The following FLRT3 variants were observed in gnomAD, a reference collection of about 807,000 sequenced individuals.
FLRT3 encodes fibronectin leucine rich transmembrane protein 3.
A neutral mutation model predicts 42.6 loss-of-function variants in FLRT3; 17 were observed. The ratio of observed to expected loss-of-function variants is 0.40; its 90% CI spans 0.27 to 0.60. The LOEUF (loss-of-function observed/expected upper bound fraction) is 0.60. FLRT3 is among the 20% of genes least tolerant of loss of function. The pLI is 0.44. For synonymous variants in FLRT3, 279 were observed against 286.4 expected, an observed-to-expected ratio of 0.97 and a Z score of 0.26; for missense variants, 635 against 789.2, an observed-to-expected ratio of 0.80 and a Z score of 2.34.
Position 14,326,292 on chromosome 20 carries a change from A to G in FLRT3, c.1215T>C (p.Ser405=). Residue 405 remains serine, a synonymous_variant, in exon 3 of 3, where the codon AGT becomes AGC. Transcript: ENST00000341420. The surrounding 1 kb of genome is among the most constrained non-coding windows in gnomAD (Gnocchi z 5.5). ...KLTKDHQTTG[S]PSRKTITITV... Reference sequence around the variant, plus strand: ...TAATTGTAATTGTTTTTCTTGAGGGACTCCCTGTGGTTTGGTGATCCTTAG... The same window carrying G: ...TAATTGTAATTGTTTTTCTTGAGGGGCTCCCTGTGGTTTGGTGATCCTTAG... 6.2e-7 allele frequency: 1 copy of G among 1,613,576 alleles called. No homozygotes were observed. Among genetic ancestry groups the G allele is most frequent in the Non-Finnish European group, 8.5e-7 (1 of 1,179,818 alleles).
In FLRT3 at chr20:14,326,398, A is replaced by G; in HGVS notation, c.1109T>C (p.Ile370Thr). ...IVSTIQITTA[I>T]PNTVYPAQGQ... Reference sequence around the variant, plus strand: ...TTGGGCAGGATACACTGTGTTGGGTATTGCAGTGGTTATCTGAATGGTGCT... The same window carrying G: ...TTGGGCAGGATACACTGTGTTGGGTGTTGCAGTGGTTATCTGAATGGTGCT... Residue 370 changes from isoleucine to threonine, a missense_variant, in exon 3 of 3, where the codon ATA (isoleucine) becomes ACA (threonine). Coordinates refer to ENST00000341420, the MANE Select transcript of FLRT3 (RefSeq NM_198391.3). The surrounding 1 kb of genome is among the most constrained non-coding windows in gnomAD (Gnocchi z 5.5). The G allele has an allele frequency of 1.2e-6, 2 of 1,613,848 alleles. No homozygotes were observed. Among genetic ancestry groups the G allele is most frequent in the South Asian group, 2.2e-5 (2 of 91,082 alleles).
intron 2 of FLRT3, among the ~76,000 whole-genome samples, chr20:14,328,511 C>G (rs1488861106): frequency 1.3e-5 from 2 of 152,104 alleles, no homozygotes; most frequent in Admixed American, 1.3e-4. Context: ...ATAGTCTCTT[C>G]TGTCCTTTTA....
At position 14,326,359 on chromosome 20, in the gene FLRT3, G is replaced by A. The variant is rs76061726; in HGVS notation, c.1148C>T (p.Ala383Val). Residue 383 changes from alanine (A) to valine (V), a missense_variant, in exon 3 of 3, where the codon GCT becomes GTT. Ala to Val is a moderately conservative substitution (Grantham distance 64). Coordinates refer to ENST00000341420, the MANE Select transcript of FLRT3 (RefSeq NM_198391.3). This position sits in a 1 kb window ranked among gnomAD's most constrained non-coding sequence, Gnocchi z 5.5. ...AATATCTGGCTGTTTGGTCACTGGA[G>A]CTGGCCACTGTCCTTGGGCAGGATA... The part of the protein sequence containing the change: ...TVYPAQGQWP[A>V]PVTKQPDIKN... 1 of 1,613,938 alleles carries A rather than the reference G, an allele frequency of 6.2e-7. No homozygotes were observed. Among genetic ancestry groups the A allele is most frequent in the Non-Finnish European group, 8.5e-7 (1 of 1,179,888 alleles).
Position 14,325,324 on chromosome 20 carries a change from T to TA in FLRT3, c.*232dup, listed in dbSNP as rs2082716164. On this transcript the variant is annotated 3_prime_UTR_variant, in exon 3 of 3. Coordinates refer to ENST00000341420, the MANE Select transcript of FLRT3 (RefSeq NM_198391.3). ...AAATACAGTACAAATTACTAAAAAA[T>TA]ACTAAAATATAGAATTGTGTTCAGG... is the stretch of plus-strand genomic sequence containing the variant. The TA allele has an allele frequency of 2.6e-6, 1 of 383,852 alleles. No homozygotes were observed. The highest frequency in any genetic ancestry group is 4.6e-6 in the Non-Finnish European group (1 of 218,352). The allele number at this position is 383,852 out of a possible 1,614,324, so 23.8% of individuals were successfully genotyped here. A position where few individuals can be genotyped will look rare whatever the true frequency, so the allele number is the denominator to read the frequency against.
At position 14,330,953 on chromosome 20, in the gene FLRT3, A is replaced by G. The variant is rs6033945; in HGVS notation, c.-246-1626T>C. On this transcript the variant is annotated intron_variant, in intron 1 of 2. Transcript: ENST00000341420. ...ATTCAACATATAAAATAATGTGGTT[A>G]ATTTAAGTTTAGAAAACAATTGCTT... Among the ~76,000 whole-genome samples, 1,442 of 152,246 alleles carry G rather than the reference A, an allele frequency of 9.5e-3. 21 individuals carry two copies. The highest frequency in any genetic ancestry group is 0.033 in the African/African-American group (1,370 of 41,566).
At chr20:14,334,077 G>A (rs573079395) in intron 1 of FLRT3, among the ~76,000 whole-genome samples, 72 of 152,264 alleles carry the variant, frequency 4.7e-4, no homozygotes, top group Admixed American at 2.3e-3. Context: ...TGATTTTAGG[G>A]TAGGAAAGAG....
chr20:14,325,956 T>G lies in FLRT3; in HGVS notation c.1551A>C (p.Gln517His), dbSNP rs1417572444. 6.2e-7 allele frequency: 1 copy of G among 1,613,806 alleles called. No individual in the cohort carries two copies. Among genetic ancestry groups the G allele is most frequent in the African/African-American group, 1.3e-5 (1 of 74,908 alleles). The change falls in exon 3 of 3, where the codon CAA becomes CAC. Residue 517 changes from glutamine (Q) to histidine (H), a missense_variant. Transcript: ENST00000341420. The stretch of plus-strand genomic sequence containing the variant: ...TGGGGTTTTTGTAAGGTTCTTTCTC[T>G]TGCTCTCGATTGAGGGTGGTTGTAG... Reference protein sequence around the residue: ...YNPTTTLNREQEKEPYKNPNL... With the variant: ...YNPTTTLNREHEKEPYKNPNL...
intron 1 of FLRT3, among the ~76,000 whole-genome samples, chr20:14,336,750 A>T (rs143316295): frequency 6.6e-6 from 1 of 152,188 alleles, no homozygotes; most frequent in Non-Finnish European, 1.5e-5. Flanking sequence ...TTGGTGTTCT[A>T]TTGAAGAGGG....
Position 14,325,670 on chromosome 20 carries a change from T to C in FLRT3, c.1837A>G (p.Thr613Ala). ...PISKEEFVIHTIFPPNGMNLY... is the reference protein window; with the variant it reads ...PISKEEFVIHAIFPPNGMNLY... The stretch of plus-strand genomic sequence containing the variant: ...TTCATTCCATTAGGAGGAAATATGG[T>C]GTGTATTACAAACTCCTCCTTCGAG... The change falls in exon 3 of 3, where the codon ACC (threonine) becomes GCC (alanine). Residue 613 changes from threonine to alanine, a missense_variant. Transcript: ENST00000341420. The C allele has an allele frequency of 6.2e-7, 1 of 1,613,814 alleles. No individual in the cohort carries two copies. Among genetic ancestry groups the C allele is most frequent in the Non-Finnish European group, 8.5e-7 (1 of 1,179,784 alleles).
chr20:14,326,033 C>T lies in FLRT3; in HGVS notation c.1474G>A (p.Glu492Lys). The change falls in exon 3 of 3, where the codon GAA (glutamate) becomes AAA (lysine). Residue 492 changes from glutamate (E) to lysine (K), a missense_variant. Transcript: ENST00000341420. This position sits in a 1 kb window ranked among gnomAD's most constrained non-coding sequence, Gnocchi z 5.5. Reference protein sequence around the residue: ...METSNLYLFDETPVCIETETA... With the variant: ...METSNLYLFDKTPVCIETETA... ...TCAGTCTCAATACAAACAGGAGTTT[C>T]ATCAAATAGGTAGAGGTTGCTGGTT... 2 of 1,613,916 alleles carry T rather than the reference C, an allele frequency of 1.2e-6. No individual in the cohort carries two copies.
intron 1 of FLRT3, 85 bp from the exon 2 acceptor site, chr20:14,329,412 C>T (rs558170179): frequency 1.4e-4 from 22 of 152,158 alleles, no homozygotes; most frequent in Admixed American, 8.5e-4. Context: ...ATTTCAATGT[C>T]TTAAAATAAC....
In FLRT3 at chr20:14,328,197, A is replaced by G. The variant is rs145369267; in HGVS notation, c.-52-639T>C. 5.0e-4 allele frequency among the ~76,000 whole-genome samples: 76 copies of G among 152,246 alleles called. No individual in the cohort carries two copies. The East Asian group carries it at 0.013, about 27-fold the overall frequency. On this transcript the variant is annotated intron_variant, in intron 2 of 2. Transcript: ENST00000341420. ...TTTAAGCATTATTTTAAATGGATGG[A>G]TTTCTGCAAGAAAATAAGAATGATT...
Position 14,326,103 on chromosome 20 carries a change from G to A in FLRT3, c.1404C>T (p.Ala468=). 6.2e-7 allele frequency: 1 copy of A among 1,613,836 alleles called. No individual in the cohort carries two copies. The highest frequency in any genetic ancestry group is 8.5e-7 in the Non-Finnish European group (1 of 1,179,852). The change falls in exon 3 of 3, where the codon GCC becomes GCT. Residue 468 remains alanine, a synonymous_variant. Transcript: ENST00000341420. The surrounding 1 kb of genome is among the most constrained non-coding windows in gnomAD (Gnocchi z 5.5). ...CTTTATAGGGTGAATCAGGCTCCAGGGCTGTGACCAAGTACTCACTGCGTT... is the reference window on the plus strand; with the variant it reads ...CTTTATAGGGTGAATCAGGCTCCAGAGCTGTGACCAAGTACTCACTGCGTT... ...TGERSEYLVT[A]LEPDSPYKVC...
chr20:14,327,123 G>A lies in FLRT3; in HGVS notation c.384C>T (p.Pro128=). The A allele has an allele frequency of 6.2e-7, 1 of 1,613,754 alleles. No homozygotes were observed. The highest frequency in any genetic ancestry group is 8.5e-7 in the Non-Finnish European group (1 of 1,179,782). The change falls in exon 3 of 3, where the codon CCC becomes CCT. Residue 128 remains proline, a synonymous_variant. Coordinates refer to ENST00000341420, the MANE Select transcript of FLRT3 (RefSeq NM_198391.3). ...CATCTAAATGTAATTCTTCCAGATA[G>A]GGAATTTTTGAAAGTGAATCATAAG... ...TITYDSLSKI[P]YLEELHLDDN...
intron 1 of FLRT3, among the ~76,000 whole-genome samples, chr20:14,337,063 T>G (rs1173444443): frequency 6.6e-6 from 1 of 152,232 alleles, no homozygotes; most frequent in Non-Finnish European, 1.5e-5. Context: ...CAAGTTGCTT[T>G]CCTATCTGTG....
Position 14,327,284 on chromosome 20 carries a change from T to C in FLRT3, c.223A>G (p.Ile75Val), listed in dbSNP as rs1206184404. The C allele has an allele frequency of 6.2e-7, 1 of 1,613,718 alleles. No homozygotes were observed. The highest frequency in any genetic ancestry group is 8.5e-7 in the Non-Finnish European group (1 of 1,179,782). The change falls in exon 3 of 3, where the codon ATT (isoleucine) becomes GTT (valine). Residue 75 changes from isoleucine (I) to valine (V), a missense_variant. Ile to Val is a conservative substitution (Grantham distance 29, BLOSUM62 3). Coordinates refer to ENST00000341420, the MANE Select transcript of FLRT3 (RefSeq NM_198391.3). ...AGCAAGTTTTTCAAATCTGAAGGAA[T>C]CCCAGCATTATTTATTTGGTTGTTC... ...LQNNQINNAG[I>V]PSDLKNLLKV... is the part of the protein sequence containing the mutation.
intron 1 of FLRT3, among the ~76,000 whole-genome samples, chr20:14,336,375 A>C (rs1007251377): frequency 1.3e-5 from 2 of 151,810 alleles, no homozygotes; most frequent in African/African-American, 4.8e-5. Flanking sequence ...ATAAAAACAA[A>C]CCCCCCAGAT....
chr20:14,330,349 T>A (rs2082813413), intron 1 of FLRT3, among the ~76,000 whole-genome samples: 1 of 152,048 alleles, frequency 6.6e-6, no homozygotes. Context: ...ATACTTTGTA[T>A]ATATGTAGGG....
Position 14,334,405 on chromosome 20 carries a change from T to C in FLRT3, c.-247+2999A>G, listed in dbSNP as rs570607655. 2.9e-3 allele frequency among the ~76,000 whole-genome samples: 432 copies of C among 149,716 alleles called. 3 individuals are homozygous for C. The highest frequency in any genetic ancestry group is 4.9e-3 in the Non-Finnish European group (325 of 66,214). ...GTTGACTTTCAGTAAATTTTTGAAA[T>C]GGTGGAATGTTAGAAGGAGCTGAGA... On this transcript the variant is annotated intron_variant, in intron 1 of 2. Transcript: ENST00000341420.
Sources: gnomAD v4.1 joint callset for allele counts (sites outside exome capture counted in the v4.1 genomes callset) on GRCh38, gnomAD v4.1.1 for gene constraint, Gnocchi (gnomAD v3.1) non-coding constraint, MANE v1.5 for transcripts, NCBI Gene and HGNC (gene_info 2026-07-23, HGNC 2026-07-21) for gene names.